SSPN: variants seen among roughly 807,000 people sequenced by gnomAD.
The protein encoded by SSPN is K-ras oncogene-associated protein.
Under a neutral mutation model 19.1 loss-of-function variants are expected in SSPN, and 15 were observed. The observed-to-expected ratio is 0.78, with a 90% CI of 0.52 to 1.21. SSPN has a LOEUF of 1.21. Among genes scored for constraint, SSPN ranks in the 50% most tolerant of loss-of-function variants. SSPN has a pLI of 0.00. For missense variants in SSPN, 291 were observed against 314.0 expected (o/e 0.93, Z 0.55); for synonymous variants, 147 against 140.3 (o/e 1.05, Z -0.34).
chr12:26,139,556 G>C (rs1303311951), intron 1 of SSPN, among the ~76,000 whole-genome samples: 3 of 152,118 alleles, frequency 2.0e-5, no homozygotes, highest in Admixed American at 2.0e-4. Context: ...TAATAAATTT[G>C]TAGCACTTGC....
At chr12:26,194,181 C>T (rs1165340644), upstream of SSPN, among the ~76,000 whole-genome samples, 1 of 152,184 alleles carries the variant, frequency 6.6e-6, no homozygotes, top group Non-Finnish European at 1.5e-5. Flanking sequence ...GAAATTTGCT[C>T]TAAGTGCTAC....
chr12:26,163,052 T>TGTGTGTGC (rs1289766396), intron 1 of SSPN, among the ~76,000 whole-genome samples: 1 of 130,584 alleles, frequency 7.7e-6, no homozygotes. Context: ...TGTGTGTGTG[T>TGTGTGTGC]GTGTGTGTAT....
At chr12:26,165,441 A>G (rs1944614603) in intron 1 of SSPN, among the ~76,000 whole-genome samples, 1 of 152,192 alleles carries the variant, frequency 6.6e-6, no homozygotes. Context: ...TCCTAATTGA[A>G]TATTTTCGAT....
intron 1 of SSPN, among the ~76,000 whole-genome samples, chr12:26,205,544 G>T (rs1944924203): frequency 6.6e-6 from 1 of 152,158 alleles, no homozygotes. Flanking sequence ...ATTTAGCTAT[G>T]CCAGGAAAGC....
intron 1 of SSPN, among the ~76,000 whole-genome samples, chr12:26,159,919 C>A (rs1216375849): frequency 6.6e-6 from 1 of 152,198 alleles, no homozygotes; most frequent in African/African-American, 2.4e-5. Flanking sequence ...TGATCAGGAT[C>A]CCTTGTTAGA....
intron 1 of SSPN, among the ~76,000 whole-genome samples, chr12:26,190,314 G>GT (rs1211022830): frequency 6.6e-6 from 1 of 152,158 alleles, no homozygotes; most frequent in Non-Finnish European, 1.5e-5. Context: ...GAATCAGTTA[G>GT]TCTAAAGCCA....
chr12:26,210,788 G>A (rs146966450), intron 1 of SSPN, among the ~76,000 whole-genome samples: 127 of 152,278 alleles, frequency 8.3e-4, no homozygotes, highest in South Asian at 5.0e-3. Flanking sequence ...TTTATAGGGA[G>A]AGAGTTTTCC....
At chr12:26,168,137 A>G (rs1412599560) in intron 1 of SSPN, among the ~76,000 whole-genome samples, 1 of 150,570 alleles carries the variant, frequency 6.6e-6, no homozygotes, top group African/African-American at 2.4e-5. Flanking sequence ...CACTTGAGCC[A>G]GGGAGGTTGA....
At chr12:26,122,577 G>A in intron 1 of SSPN, 1 of 1,115,866 alleles carries the variant, frequency 9.0e-7, no homozygotes, top group Non-Finnish European at 1.1e-6. Context: ...CAGCAGCGCG[G>A]CCGCGGCGGC....
In SSPN at chr12:26,195,613, G is replaced by A. The variant is rs993214699; in HGVS notation, c.-60G>A. ...GGGCAGGCCGAGCCAGCCGTGCGCC[G>A]CGCTCCAGGGCCCAGGGCGCCGCAC... On this transcript the variant is annotated 5_prime_UTR_variant, in exon 1 of 3. Coordinates refer to ENST00000242729, the MANE Select transcript of SSPN (RefSeq NM_005086.5). 2 of 1,342,870 alleles carry A rather than the reference G, an allele frequency of 1.5e-6. No homozygotes were observed. Among genetic ancestry groups the A allele is most frequent in the Admixed American group, 4.1e-5 (1 of 24,192 alleles). The allele number at this position is 1,342,870 out of a possible 1,614,324, so 83.2% of individuals were successfully genotyped here.
At chr12:26,195,387 GCC>G (rs1944816338), upstream of SSPN, 1 of 370,908 alleles carries the variant, frequency 2.7e-6, no homozygotes, top group Non-Finnish European at 4.6e-6. Context: ...GGTTCAGGCG[GCC>G]AAGGGACCCG....
intron 1 of SSPN, among the ~76,000 whole-genome samples, chr12:26,146,577 G>A (rs1273604072): frequency 1.3e-5 from 2 of 152,048 alleles, no homozygotes; most frequent in African/African-American, 4.8e-5. Context: ...TTCAAACCTT[G>A]GCCTTCAGGC....
intron 1 of SSPN, among the ~76,000 whole-genome samples, chr12:26,148,500 C>G (rs1232185632): frequency 6.6e-6 from 1 of 152,184 alleles, no homozygotes; most frequent in Non-Finnish European, 1.5e-5. Context: ...ACATGATGTG[C>G]TGCTTTACAG....
At chr12:26,226,768 C>G (rs2137515350) in intron 2 of SSPN, among the ~76,000 whole-genome samples, 1 of 152,298 alleles carries the variant, frequency 6.6e-6, no homozygotes, top group East Asian at 1.9e-4. Context: ...CCCTCCTGCC[C>G]ACATCCAGGA....
intron 1 of SSPN, among the ~76,000 whole-genome samples, chr12:26,213,398 C>A (rs989017044): frequency 6.6e-6 from 1 of 152,026 alleles, no homozygotes; most frequent in Admixed American, 6.6e-5. Flanking sequence ...ATGATGAAAC[C>A]GAGGCTCCAA....
intron 2 of SSPN, among the ~76,000 whole-genome samples, chr12:26,225,867 C>T (rs754959815): frequency 6.6e-6 from 1 of 151,774 alleles, no homozygotes. Flanking sequence ...ATGTGAAATA[C>T]CCTCATTTTC....
At chr12:26,208,690 T>TA (rs2137475704) in intron 1 of SSPN, among the ~76,000 whole-genome samples, 1 of 152,270 alleles carries the variant, frequency 6.6e-6, no homozygotes, top group East Asian at 1.9e-4. Flanking sequence ...CTAAAAATGT[T>TA]AAAGGTTTGC....
At chr12:26,199,729 A>C (rs1332205154) in intron 1 of SSPN, among the ~76,000 whole-genome samples, 2 of 152,206 alleles carry the variant, frequency 1.3e-5, no homozygotes, top group African/African-American at 4.8e-5. Flanking sequence ...ATACAGGTTT[A>C]GTTTAGGTAA....
At chr12:26,224,524 C>T in intron 2 of SSPN, 145 bp downstream of exon 2, 1 of 683,422 alleles carries the variant, frequency 1.5e-6, no homozygotes, top group South Asian at 1.7e-5. Context: ...TTTAAGAGGG[C>T]ATTGATCCAG....
Sources: allele counts gnomAD v4.1 joint callset (sites outside exome capture counted in the v4.1 genomes callset), GRCh38; gene constraint gnomAD v4.1.1; transcripts MANE v1.5; gene names NCBI Gene and HGNC (gene_info 2026-07-23, HGNC 2026-07-21).